SORCS2: variants seen among roughly 807,000 people sequenced by gnomAD.
SORCS2 encodes VPS10 domain-containing receptor SorCS2.
A neutral mutation model predicts 141.6 loss-of-function variants in SORCS2; 100 were observed. The observed-to-expected ratio is 0.71, with a 90% CI of 0.60 to 0.83. The LOEUF (loss-of-function observed/expected upper bound fraction) is 0.83. Ranked by LOEUF, SORCS2 falls within the 40% of genes least tolerant of loss-of-function variation. The pLI, the probability that SORCS2 is intolerant of heterozygous loss-of-function variation, is 0.00. For synonymous variants in SORCS2, 789 were observed against 676.9 expected (o/e 1.17, Z -2.57); for missense variants, 1,646 against 1,560.2 (o/e 1.05, Z -0.93).
chr4:7,310,164 C>T (rs539653035), intron 1 of SORCS2, among the ~76,000 whole-genome samples: 110 of 152,296 alleles, frequency 7.2e-4, no homozygotes, highest in African/African-American at 2.5e-3. Flanking sequence ...GGAGAGCTGA[C>T]GGCTCTGGAG....
chr4:7,286,448 G>A lies in SORCS2; in HGVS notation c.480+93322G>A, dbSNP rs1353436953. Reference sequence around the variant, plus strand: ...CTGGAAGGCAGCCACGAGGCCTGACGTTGGAGATGCACCATCCTCTCAGCC... The same window carrying A: ...CTGGAAGGCAGCCACGAGGCCTGACATTGGAGATGCACCATCCTCTCAGCC... On this transcript the variant is annotated intron_variant, in intron 1 of 26. Coordinates refer to ENST00000507866, the MANE Select transcript of SORCS2 (RefSeq NM_020777.3). This position sits in a 1 kb window ranked among gnomAD's most constrained non-coding sequence, Gnocchi z 4.1. Among the ~76,000 whole-genome samples the A allele has an allele frequency of 3.3e-5, 5 of 152,204 alleles. No individual in the cohort carries two copies. Among genetic ancestry groups the A allele is most frequent in the African/African-American group, 9.7e-5 (4 of 41,444 alleles).
Position 7,360,571 on chromosome 4 carries a change from C to CTTTTTTTTTTTTTT in SORCS2, c.481-35705_481-35692dup, listed in dbSNP as rs753548897. Among the ~76,000 whole-genome samples, 306 of 49,280 alleles carry CTTTTTTTTTTTTTT rather than the reference C, an allele frequency of 6.2e-3. 71 individuals are homozygous for CTTTTTTTTTTTTTT. Among genetic ancestry groups the CTTTTTTTTTTTTTT allele is most frequent in the African/African-American group, 0.013 (134 of 10,242 alleles). The allele number at this position is 49,280 out of a possible 152,430, so 32.3% of individuals were successfully genotyped here. ...TCCCTAAATACCCTCCCAGTCCCTT[C>CTTTTTTTTTTTTTT]TTTTTTTTTTTTTTTTTTTTTTTTT... On this transcript the variant is annotated intron_variant, in intron 1 of 26. Coordinates refer to ENST00000507866, the MANE Select transcript of SORCS2 (RefSeq NM_020777.3).
chr4:7,218,066 A>G (rs1728471589), intron 1 of SORCS2, among the ~76,000 whole-genome samples: 1 of 152,154 alleles, frequency 6.6e-6, no homozygotes, highest in African/African-American at 2.4e-5. Context: ...GTGAATGGCC[A>G]GGGTGGGCAG....
At chr4:7,589,442 G>T (rs1452161034) in intron 3 of SORCS2, among the ~76,000 whole-genome samples, 1 of 152,092 alleles carries the variant, frequency 6.6e-6, no homozygotes, top group Non-Finnish European at 1.5e-5. Context: ...TCGCTCTGTG[G>T]CCCAGGTTGG....
At chr4:7,572,767 C>A (rs1715487249) in intron 3 of SORCS2, among the ~76,000 whole-genome samples, 1 of 152,232 alleles carries the variant, frequency 6.6e-6, no homozygotes, top group South Asian at 2.1e-4. Context: ...TTCTTGCAAA[C>A]TCACTGAAAG....
At chr4:7,457,579 A>C (rs569096253) in intron 2 of SORCS2, among the ~76,000 whole-genome samples, 1 of 151,682 alleles carries the variant, frequency 6.6e-6, no homozygotes, top group African/African-American at 2.4e-5. Flanking sequence ...AGCTGCGGTC[A>C]GAGGGCCTGG....
In SORCS2 at chr4:7,532,003, C is replaced by T. The variant is rs374506624; in HGVS notation, c.648+374C>T. ...GAAGGCAGTGCTGAGCAGGCCCGTT[C>T]TTCGGAAGTTAGTTGTTGATCCGGT... is the stretch of plus-strand genomic sequence containing the variant. On this transcript the variant is annotated intron_variant, in intron 3 of 26. Coordinates refer to ENST00000507866, the MANE Select transcript of SORCS2 (RefSeq NM_020777.3). 2.7e-4 allele frequency among the ~76,000 whole-genome samples: 41 copies of T among 152,360 alleles called. No individual in the cohort carries two copies. The South Asian group carries it at 3.7e-3, about 14-fold the overall frequency.
chr4:7,514,239 A>G lies in SORCS2; in HGVS notation c.549-17291A>G, dbSNP rs188157740. Among the ~76,000 whole-genome samples the G allele has an allele frequency of 2.7e-3, 413 of 152,266 alleles. 2 individuals are homozygous for G. Among genetic ancestry groups the G allele is most frequent in the African/African-American group, 9.3e-3 (387 of 41,548 alleles). ...TGTGACCAGGGTTGCTGCGTACAGC[A>G]TCGAAGGAAGGAAGACTTGACTAGG... On this transcript the variant is annotated intron_variant, in intron 2 of 26. Coordinates refer to ENST00000507866, the MANE Select transcript of SORCS2 (RefSeq NM_020777.3).
chr4:7,461,960 G>A (rs1483714230), intron 2 of SORCS2, among the ~76,000 whole-genome samples: 1 of 152,056 alleles, frequency 6.6e-6, no homozygotes, highest in Non-Finnish European at 1.5e-5. Flanking sequence ...GCTGTCCCAC[G>A]GCAGCTGGAC....
intron 1 of SORCS2, among the ~76,000 whole-genome samples, chr4:7,250,243 A>AAAAGAAAGAAAGAAAGAAAGAAAG (rs34312209): frequency 4.6e-5 from 7 of 151,174 alleles, no homozygotes; most frequent in Non-Finnish European, 1.0e-4. Context: ...GCTCTGTCTA[A>AAAAGAAAGAAAGAAAGAAAGAAAG]AAAGAAAGAA....
Position 7,712,815 on chromosome 4 carries a change from G to C in SORCS2, c.1951G>C (p.Glu651Gln). ...GCCCTCATTCTCCAGGCAGTGCGGC[G>C]AGGAGGACTACAGCTCCTGGGAGCT... ...FRPSFSRQCGEEDYSSWELSN... is the reference protein window; with the variant it reads ...FRPSFSRQCGQEDYSSWELSN... The change falls in exon 15 of 27, where the codon GAG (glutamate) becomes CAG (glutamine). Residue 651 changes from glutamate to glutamine, a missense_variant. Glu to Gln is a conservative substitution (Grantham distance 29, BLOSUM62 2). Transcript: ENST00000507866. The C allele has an allele frequency of 1.9e-6, 3 of 1,613,968 alleles. No individual in the cohort carries two copies. The highest frequency in any genetic ancestry group is 2.5e-6 in the Non-Finnish European group (3 of 1,179,878).
At chr4:7,452,672 T>A (rs1364195030) in intron 2 of SORCS2, among the ~76,000 whole-genome samples, 1 of 152,218 alleles carries the variant, frequency 6.6e-6, no homozygotes, top group Non-Finnish European at 1.5e-5. Flanking sequence ...GCAGCTGGCT[T>A]ACCACTCTGT....
At chr4:7,434,319 A>G (rs770699991) in intron 2 of SORCS2, 2 of 1,611,506 alleles carry the variant, frequency 1.2e-6, no homozygotes, top group Non-Finnish European at 1.7e-6. Context: ...CCTGCCGTAC[A>G]CAGTCTTGGC....
chr4:7,459,042 G>A (rs1729115141), intron 2 of SORCS2, among the ~76,000 whole-genome samples: 1 of 152,100 alleles, frequency 6.6e-6, no homozygotes, highest in East Asian at 1.9e-4. Context: ...TAAGGCGCGT[G>A]GCAAAGGCCA....
chr4:7,678,688 G>A (rs959873672), intron 9 of SORCS2, among the ~76,000 whole-genome samples: 3 of 148,918 alleles, frequency 2.0e-5, no homozygotes, highest in Admixed American at 6.8e-5. Context: ...GCAGTGGCCC[G>A]GTTCAAAGGT....
chr4:7,666,751 C>T (rs913205696), intron 7 of SORCS2, among the ~76,000 whole-genome samples: 4 of 152,102 alleles, frequency 2.6e-5, no homozygotes, highest in African/African-American at 7.2e-5. Flanking sequence ...GAGATGGTGC[C>T]GGCTTTGTTT....
At chr4:7,500,783 G>A (rs1322354500) in intron 2 of SORCS2, among the ~76,000 whole-genome samples, 2 of 152,206 alleles carry the variant, frequency 1.3e-5, no homozygotes, top group African/African-American at 2.4e-5. Context: ...GCTGGAGGGC[G>A]GTAACGAGTG....
At chr4:7,468,647 C>T (rs1346368060) in intron 2 of SORCS2, among the ~76,000 whole-genome samples, 1 of 152,220 alleles carries the variant, frequency 6.6e-6, no homozygotes, top group Admixed American at 6.5e-5. Flanking sequence ...TGGCATGGCG[C>T]TTCACCCAGC....
chr4:7,300,580 C>T (rs1418559230), intron 1 of SORCS2, among the ~76,000 whole-genome samples: 1 of 152,210 alleles, frequency 6.6e-6, no homozygotes, highest in Non-Finnish European at 1.5e-5. Context: ...AGTAGGTTCT[C>T]ACGGCGACCT....
Sources: gnomAD v4.1 joint callset for allele counts (sites outside exome capture counted in the v4.1 genomes callset) on GRCh38, gnomAD v4.1.1 for gene constraint, Gnocchi (gnomAD v3.1) non-coding constraint, MANE v1.5 for transcripts, NCBI Gene and HGNC (gene_info 2026-07-23, HGNC 2026-07-21) for gene names.